Variants in ZNF283 observed in about 807,000 individuals in gnomAD.
The protein encoded by ZNF283 is zinc finger protein 283.
ZNF283 carries 10 observed loss-of-function variants against 9.2 expected under a neutral mutation model. The observed-to-expected ratio is 1.09, with a 90% CI of 0.67 to 1.85. ZNF283 has a LOEUF of 1.85. Among genes scored for constraint, ZNF283 ranks in the 40% most tolerant of loss-of-function variants. The pLI, the probability that ZNF283 is intolerant of heterozygous loss-of-function variation, is 0.00. For synonymous variants in ZNF283, 234 were observed against 244.1 expected (o/e 0.96, Z 0.38); for missense variants, 631 against 760.1 (o/e 0.83, Z 2.00).
At position 43,848,563 on chromosome 19, in the gene ZNF283, C is replaced by T. The variant is rs749078759; in HGVS notation, c.1962C>T (p.Tyr654=). 25 of 1,600,332 alleles carry T rather than the reference C, an allele frequency of 1.6e-5. No homozygotes were observed. The African/African-American group carries it at 3.1e-4, about 20-fold the overall frequency. The change falls in exon 7 of 7, where the codon TAC becomes TAT. Residue 654 remains tyrosine, a synonymous_variant. Transcript: ENST00000618787. The part of the protein sequence containing the change: ...HERTHSNDKP[Y]KYNECGEAFL... ...GAACTCATAGTAATGATAAACCCTA[C>T]AAATATAACGAATGTGGGGAAGCCT...
At position 43,847,114 on chromosome 19, in the gene ZNF283, A is replaced by G; in HGVS notation, c.513A>G (p.Gln171=). The part of the protein sequence containing the change: ...KSIFEGLKGH[Q]EGYFSQMIIS... ...TATTCGAGGGACTAAAAGGACATCAAGAGGGATACTTCAGTCAAATGATAA... is the reference window on the plus strand; with the variant it reads ...TATTCGAGGGACTAAAAGGACATCAGGAGGGATACTTCAGTCAAATGATAA... Residue 171 remains glutamine (Q), a synonymous_variant, in exon 7 of 7, where the codon CAA becomes CAG. Transcript: ENST00000618787. The G allele has an allele frequency of 6.2e-7, 1 of 1,613,534 alleles. No homozygotes were observed. Among genetic ancestry groups the G allele is most frequent in the South Asian group, 1.1e-5 (1 of 91,026 alleles).
At chr19:43,831,463 C>CAG in intron 3 of ZNF283, 82 bp downstream of exon 3, 1 of 1,066,130 alleles carries the variant, frequency 9.4e-7, no homozygotes, top group Non-Finnish European at 1.4e-6. Flanking sequence ...GAATATATTC[C>CAG]TCCTGTCACT....
At position 43,849,698 on chromosome 19, in the gene ZNF283, T is replaced by C. The variant is rs1392313013; in HGVS notation, c.*1057T>C. The C allele has an allele frequency of 6.6e-6, 1 of 152,224 alleles. No individual in the cohort carries two copies. Among genetic ancestry groups the C allele is most frequent in the Admixed American group, 6.5e-5 (1 of 15,282 alleles). 9.4% of individuals were successfully genotyped at this position (152,224 alleles called of 1,614,324 possible). The stretch of plus-strand genomic sequence containing the variant: ...TACTGTCATCACCATTTCACCTCCA[T>C]ACTACCTGTAGGATGGTGAGCAAAA... On this transcript the variant is annotated 3_prime_UTR_variant, in exon 7 of 7. Coordinates refer to ENST00000618787, the MANE Select transcript of ZNF283 (RefSeq NM_181845.2).
rs760549988 is a variant in ZNF283 at position 43,848,030 on chromosome 19, C to T, written c.1429C>T (p.His477Tyr). The T allele has an allele frequency of 3.1e-6, 5 of 1,613,304 alleles. No homozygotes were observed. Among genetic ancestry groups the T allele is most frequent in the Non-Finnish European group, 4.2e-6 (5 of 1,179,812 alleles). The stretch of plus-strand genomic sequence containing the variant: ...TAGTTGGGGTTCAAGCCTTGTTAAA[C>T]ATGAGAGAGTTCATACTGGTGAGAA... ...AFSWGSSLVKHERVHTGEKSH... is the reference protein window; with the variant it reads ...AFSWGSSLVKYERVHTGEKSH... The change falls in exon 7 of 7, where the codon CAT (histidine) becomes TAT (tyrosine). Residue 477 changes from histidine to tyrosine, a missense_variant. By Grantham distance (83) the His-to-Tyr change is moderately conservative (BLOSUM62 2). Around this residue, in one of 3 missense-constraint regions of ZNF283, gnomAD observed 444 missense variants for 522.5 expected, o/e 0.85. Transcript: ENST00000618787.
intron 2 of ZNF283, among the ~76,000 whole-genome samples, chr19:43,828,916 C>T (rs993811154): frequency 1.3e-5 from 2 of 152,124 alleles, no homozygotes; most frequent in Admixed American, 6.5e-5. Context: ...CTTTGTGAGG[C>T]TTTTAGGGGT....
At chr19:43,844,281 T>TAAG (rs10672355) in intron 6 of ZNF283, among the ~76,000 whole-genome samples, 60,964 of 151,452 alleles carry the variant, frequency 0.4, 12,596 homozygotes, top group South Asian at 0.55. Flanking sequence ...TCTTGACATT[T>TAAG]AAGAAGTTAA....
Position 43,848,653 on chromosome 19 carries a change from A to G in ZNF283, c.*12A>G, listed in dbSNP as rs755056821. On this transcript the variant is annotated 3_prime_UTR_variant, in exon 7 of 7. Transcript: ENST00000618787. ...ATGAAACCTTATGATTGAAAGTTGT[A>G]AAAGAATATTTTGTGTGTGTGTATA... is the stretch of plus-strand genomic sequence containing the variant. 8.5e-6 allele frequency: 13 copies of G among 1,529,828 alleles called. No homozygotes were observed. Among genetic ancestry groups the G allele is most frequent in the Non-Finnish European group, 1.1e-5 (13 of 1,138,954 alleles). The allele number at this position is 1,529,828 out of a possible 1,614,324, so 94.8% of individuals were successfully genotyped here. A position where few individuals can be genotyped will look rare whatever the true frequency, so the allele number is the denominator to read the frequency against.
Position 43,847,009 on chromosome 19 carries a change from C to T in ZNF283, c.408C>T (p.Ser136=), listed in dbSNP as rs1253726500. The change falls in exon 7 of 7, where the codon TCC becomes TCT. Residue 136 remains serine, a synonymous_variant. Transcript: ENST00000618787. ...SENDIFEINF[S]QWEMKDKSKT... is the part of the protein sequence containing the mutation. ...ATGATATTTTTGAAATAAATTTTTC[C>T]CAGTGGGAGATGAAGGACAAAAGTA... is the stretch of plus-strand genomic sequence containing the variant. 3 of 1,570,722 alleles carry T rather than the reference C, an allele frequency of 1.9e-6. No homozygotes were observed. Among genetic ancestry groups the T allele is most frequent in the Non-Finnish European group, 2.6e-6 (3 of 1,162,010 alleles).
rs1406487761 is a variant in ZNF283 at position 43,847,034 on chromosome 19, A to G, written c.433A>G (p.Lys145Glu). The change falls in exon 7 of 7, where the codon AAA (lysine) becomes GAA (glutamate). Residue 145 changes from lysine (K) to glutamate (E), a missense_variant. By Grantham distance (56) the Lys-to-Glu change is moderately conservative. This residue lies in a region of ZNF283 where 184 missense variants were observed against 220.0 expected (regional missense o/e 0.84). Transcript: ENST00000618787. ...FSQWEMKDKS[K>E]TLGLEASIFR... ...CCAGTGGGAGATGAAGGACAAAAGT[A>G]AAACCCTTGGCCTTGAGGCATCCAT... 6.2e-7 allele frequency: 1 copy of G among 1,610,718 alleles called. No homozygotes were observed. Among genetic ancestry groups the G allele is most frequent in the South Asian group, 1.1e-5 (1 of 90,368 alleles).
chr19:43,845,134 T>C (rs965293330), intron 6 of ZNF283, among the ~76,000 whole-genome samples: 2 of 152,172 alleles, frequency 1.3e-5, no homozygotes, highest in African/African-American at 4.8e-5. Context: ...TAATAACAAG[T>C]AACTTATTAG....
intron 4 of ZNF283, among the ~76,000 whole-genome samples, chr19:43,834,564 A>G (rs1240657826): frequency 6.6e-6 from 1 of 150,938 alleles, no homozygotes; most frequent in African/African-American, 2.4e-5. Context: ...TAATATATAT[A>G]GATATATAAT....
intron 6 of ZNF283, among the ~76,000 whole-genome samples, chr19:43,839,527 T>G (rs1971115134): frequency 6.6e-6 from 1 of 152,186 alleles, no homozygotes; most frequent in Admixed American, 6.5e-5. Flanking sequence ...CAAATTTTTT[T>G]CTCTACTTTT....
chr19:43,836,534 G>A (rs1463002176), intron 5 of ZNF283, among the ~76,000 whole-genome samples: 1 of 152,142 alleles, frequency 6.6e-6, no homozygotes, highest in East Asian at 1.9e-4. Flanking sequence ...TAGAGATGGG[G>A]TTTCACATGT....
chr19:43,847,204 T>C lies in ZNF283; in HGVS notation c.603T>C (p.His201=). 6.2e-7 allele frequency: 1 copy of C among 1,613,888 alleles called. No homozygotes were observed. The change falls in exon 7 of 7, where the codon CAT becomes CAC. Residue 201 remains histidine (H), a synonymous_variant. Transcript: ENST00000618787. The part of the protein sequence containing the change: ...SKSLTPHQRI[H]NTEKSYVCKE... ...CTCTTACTCCACATCAAAGAATTCA[T>C]AATACAGAGAAATCCTATGTTTGTA...
intron 6 of ZNF283, among the ~76,000 whole-genome samples, chr19:43,845,175 T>A (rs1971357639): frequency 1.3e-5 from 2 of 152,146 alleles, no homozygotes; most frequent in African/African-American, 4.8e-5. Flanking sequence ...CTTTTTATTG[T>A]CAGCTTTTGG....
Position 43,848,538 on chromosome 19 carries a change from G to T in ZNF283, c.1937G>T (p.Arg646Ile), listed in dbSNP as rs10417624. The T allele has an allele frequency of 7.6e-3, 12,173 of 1,612,004 alleles. 722 individuals are homozygous for T. The African/African-American group carries it at 0.14, about 18-fold the overall frequency. ...TGTGGCTCAAAACTTGTTCATGAGA[G>T]AACTCATAGTAATGATAAACCCTAC... ...FTCGSKLVHE[R>I]THSNDKPYKY... is the part of the protein sequence containing the mutation. The change falls in exon 7 of 7, where the codon AGA becomes ATA. Residue 646 changes from arginine (R) to isoleucine (I), a missense_variant. Coordinates refer to ENST00000618787, the MANE Select transcript of ZNF283 (RefSeq NM_181845.2).
At chr19:43,832,465 G>A (rs185829204) in intron 3 of ZNF283, among the ~76,000 whole-genome samples, 7 of 152,320 alleles carry the variant, frequency 4.6e-5, no homozygotes, top group African/African-American at 1.4e-4. Flanking sequence ...TTCTGATGCA[G>A]CTTAATGATG....
intron 6 of ZNF283, among the ~76,000 whole-genome samples, chr19:43,840,281 G>A (rs893277372): frequency 6.6e-6 from 1 of 152,128 alleles, no homozygotes; most frequent in Non-Finnish European, 1.5e-5. Context: ...TACTTCTGGG[G>A]AAAGCTGCTG....
In ZNF283 at chr19:43,843,233, C is replaced by T. The variant is rs566601676; in HGVS notation, c.338-3706C>T. 5.6e-4 allele frequency among the ~76,000 whole-genome samples: 85 copies of T among 152,190 alleles called. 1 individual carries two copies. Among genetic ancestry groups the T allele is most frequent in the Admixed American group, 3.9e-3 (60 of 15,282 alleles). ...GCACGCGCCTGTAGTCCCAGCTACT[C>T]GGGAGGCTGAGGCAGGAGAATCGCT... On this transcript the variant is annotated intron_variant, in intron 6 of 6. Coordinates refer to ENST00000618787, the MANE Select transcript of ZNF283 (RefSeq NM_181845.2).
Sources: gnomAD v4.1 joint callset for allele counts (sites outside exome capture counted in the v4.1 genomes callset) on GRCh38, gnomAD v4.1.1 for gene constraint, gnomAD v4.1.1 regional missense constraint, MANE v1.5 for transcripts, NCBI Gene and HGNC (gene_info 2026-07-23, HGNC 2026-07-21) for gene names.